PCDHA3: variants seen among roughly 807,000 people sequenced by gnomAD.
PCDHA3 encodes protocadherin alpha-3.
PCDHA3 carries 41 observed loss-of-function variants against 62.2 expected under a neutral mutation model. That is an observed-to-expected ratio of 0.66 (90% CI 0.51 to 0.86). PCDHA3 has a LOEUF of 0.86. PCDHA3 is among the 40% of genes least tolerant of loss of function. The pLI is 0.00. For missense variants in PCDHA3, 1,304 were observed against 1,241.2 expected (o/e 1.05, Z -0.76); for synonymous variants, 640 against 555.4 (o/e 1.15, Z -2.14).
chr5:140,875,407 A>G (rs2055457272), intron 1 of PCDHA3: 2 of 1,497,672 alleles, frequency 1.3e-6, no homozygotes, highest in Non-Finnish European at 1.8e-6. Flanking sequence ...GACTGCTCAT[A>G]AAATACCTCA....
intron 1 of PCDHA3, among the ~76,000 whole-genome samples, chr5:140,900,906 G>C (rs2068354860): frequency 6.6e-6 from 1 of 152,096 alleles, no homozygotes; most frequent in African/African-American, 2.4e-5. Context: ...CATTTTAACT[G>C]TGGTAAGATG....
intron 1 of PCDHA3, chr5:140,871,052 T>C (rs981101486): frequency 6.2e-7 from 1 of 1,613,156 alleles, no homozygotes; most frequent in Non-Finnish European, 8.5e-7. Flanking sequence ...CTAGTACTGG[T>C]GAAGGATCAC....
chr5:140,943,729 A>G (rs1215938127), intron 1 of PCDHA3, among the ~76,000 whole-genome samples: 1 of 152,374 alleles, frequency 6.6e-6, no homozygotes, highest in South Asian at 2.1e-4. Context: ...TGAGAGAATG[A>G]AAGTCCACAG....
chr5:140,982,035 A>G (rs950479755), intron 2 of PCDHA3, among the ~76,000 whole-genome samples: 2 of 152,280 alleles, frequency 1.3e-5, no homozygotes, highest in Admixed American at 1.3e-4. Context: ...CAATACTCCA[A>G]TTATCAGAAA....
chr5:140,846,981 G>T (rs1054383411), intron 1 of PCDHA3, among the ~76,000 whole-genome samples: 3 of 149,582 alleles, frequency 2.0e-5, no homozygotes, highest in Admixed American at 1.3e-4. Flanking sequence ...AAATAAGTAA[G>T]TTCCCCCCGG....
At position 140,801,474 on chromosome 5, in the gene PCDHA3, G is replaced by A; in HGVS notation, c.277G>A (p.Glu93Lys). The change falls in exon 1 of 4, where the codon GAG becomes AAG. Residue 93 changes from glutamate (E) to lysine (K), a missense_variant. Physicochemically the swap from Glu to Lys is moderately conservative, Grantham distance 56. Coordinates refer to ENST00000522353, the MANE Select transcript of PCDHA3 (RefSeq NM_018906.3). ...GTTTGTGAATTCTCGGATAGACCGC[G>A]AGGAACTGTGCGGGCGGAGCGCGGA... ...ILFVNSRIDREELCGRSAECS... is the reference protein window; with the variant it reads ...ILFVNSRIDRKELCGRSAECS... 1 of 1,614,096 alleles carries A rather than the reference G, an allele frequency of 6.2e-7. No homozygotes were observed. The highest frequency in any genetic ancestry group is 8.5e-7 in the Non-Finnish European group (1 of 1,180,044).
intron 1 of PCDHA3, among the ~76,000 whole-genome samples, chr5:140,932,053 C>T (rs1358715698): frequency 6.6e-6 from 1 of 151,780 alleles, no homozygotes; most frequent in Non-Finnish European, 1.5e-5. Flanking sequence ...GCCTGTAATA[C>T]TAAAAATTAT....
At position 140,801,950 on chromosome 5, in the gene PCDHA3, A is replaced by T. The variant is rs1053967488; in HGVS notation, c.753A>T (p.Leu251Phe). The T allele has an allele frequency of 1.9e-5, 30 of 1,614,076 alleles. No individual in the cohort carries two copies. In the Middle Eastern group the frequency reaches 1.6e-3, roughly 88 times the overall value. ...AGAGGACGATCTATAAAGTCAGATT[A>T]CTCGAAAATGCACCAAATGGTACCC... ...AFERTIYKVR[L>F]LENAPNGTLV... Residue 251 changes from leucine to phenylalanine, a missense_variant, in exon 1 of 4, where the codon TTA becomes TTT. Coordinates refer to ENST00000522353, the MANE Select transcript of PCDHA3 (RefSeq NM_018906.3).
rs1205531440 is a variant in PCDHA3, at chr5:140,868,945, T to C, written c.2394+65354T>C. On this transcript the variant is annotated intron_variant, in intron 1 of 3. Transcript: ENST00000522353. ...TTCATTTAAAGGTTGGTCTGAACAG[T>C]GAGGCACTCCCATACAAAGGAACTC... 5 of 1,284,792 alleles carry C rather than the reference T, an allele frequency of 3.9e-6. No individual in the cohort carries two copies. The Admixed American group carries it at 1.1e-4, about 28-fold the overall frequency. The allele number at this position is 1,284,792 out of a possible 1,614,324, so 79.6% of individuals were successfully genotyped here. A position where few individuals can be genotyped will look rare whatever the true frequency, so the allele number is the denominator to read the frequency against.
intron 1 of PCDHA3, among the ~76,000 whole-genome samples, chr5:140,902,930 A>G (rs1252677303): frequency 1.3e-5 from 2 of 152,190 alleles, no homozygotes; most frequent in Non-Finnish European, 2.9e-5. Context: ...CATGGTGTAT[A>G]TATACCACAT....
At chr5:140,807,254 G>T in intron 1 of PCDHA3, 2 of 1,614,236 alleles carry the variant, frequency 1.2e-6, no homozygotes. Flanking sequence ...TCTCCTCGCA[G>T]CCTGGGAGGC....
intron 3 of PCDHA3, among the ~76,000 whole-genome samples, chr5:140,999,199 A>G (rs1354176825): frequency 2.0e-5 from 3 of 152,228 alleles, no homozygotes; most frequent in Non-Finnish European, 4.4e-5. Context: ...CTTGGAAAAG[A>G]GAATTTCTGG....
intron 1 of PCDHA3, chr5:140,834,227 A>G: frequency 1.4e-6 from 1 of 708,706 alleles, no homozygotes; most frequent in Non-Finnish European, 2.3e-6. Context: ...AGCAAAAGGA[A>G]GTCATTCCTT....
intron 1 of PCDHA3, among the ~76,000 whole-genome samples, chr5:140,941,348 G>T (rs1193360429): frequency 1.7e-5 from 2 of 116,240 alleles, no homozygotes; most frequent in East Asian, 2.7e-4. Context: ...ATGGAGTCTT[G>T]CTCTGTTGCC....
intron 3 of PCDHA3, among the ~76,000 whole-genome samples, chr5:141,006,916 A>G (rs111263219): frequency 0.011 from 1,648 of 152,304 alleles, 31 homozygotes; most frequent in African/African-American, 0.038. Context: ...TGGGATGCCC[A>G]TGAGATTTCC....
rs1407676200 is a variant in PCDHA3 at position 140,843,151 on chromosome 5, G to A, written c.2394+39560G>A. 6 of 1,596,104 alleles carry A rather than the reference G, an allele frequency of 3.8e-6. 1 individual carries two copies. The highest frequency in any genetic ancestry group is 5.1e-6 in the Non-Finnish European group (6 of 1,165,608). On this transcript the variant is annotated intron_variant, in intron 1 of 3. Coordinates refer to ENST00000522353, the MANE Select transcript of PCDHA3 (RefSeq NM_018906.3). ...GCTACAACGCGTGGCTTTCGTATGA[G>A]CTGCAGCCAGCTGCAAGCAGCCCTC...
intron 1 of PCDHA3, among the ~76,000 whole-genome samples, chr5:140,965,769 A>G (rs571022357): frequency 2.0e-5 from 3 of 152,376 alleles, no homozygotes; most frequent in Admixed American, 2.0e-4. Flanking sequence ...GTCAAATAAT[A>G]GATTTGCCTA....
At chr5:140,871,288 G>A (rs1254609310) in intron 1 of PCDHA3, 2 of 1,613,786 alleles carry the variant, frequency 1.2e-6, no homozygotes, top group Non-Finnish European at 1.7e-6. Context: ...GCCCACTGAG[G>A]GCGCGTGCGC....
At chr5:140,825,083 T>C (rs1251888987) in intron 1 of PCDHA3, 2 of 151,882 alleles carry the variant, frequency 1.3e-5, no homozygotes, top group Admixed American at 6.6e-5. Flanking sequence ...TCTGGTATCC[T>C]TCTAGAGATT....
Sources: allele counts gnomAD v4.1 joint callset (sites outside exome capture counted in the v4.1 genomes callset), GRCh38; gene constraint gnomAD v4.1.1; transcripts MANE v1.5; gene names NCBI Gene and HGNC (gene_info 2026-07-23, HGNC 2026-07-21).